Variants in LZTR1 observed in about 807,000 individuals in gnomAD.
The protein encoded by LZTR1 is leucine-zipper-like transcriptional regulator 1.
In LZTR1, 260 loss-of-function variants were observed where a neutral mutation model predicts 105.7. The ratio of observed to expected loss-of-function variants is 2.46; its 90% CI spans 2.22 to 2.72. LZTR1 has a LOEUF of 2.72. LZTR1 is among the 30% of genes most tolerant of loss of function. The pLI, the probability that LZTR1 is intolerant of heterozygous loss-of-function variation, is 0.00. For synonymous variants in LZTR1, 490 were observed against 476.4 expected, an observed-to-expected ratio of 1.03 and a Z score of -0.37; for missense variants, 1,214 against 1,166.9, an observed-to-expected ratio of 1.04 and a Z score of -0.59.
intron 10 of LZTR1, 21 bp from the exon 11 acceptor site, chr22:20,992,773 C>G (rs1924651055): frequency 6.7e-7 from 1 of 1,490,454 alleles, no homozygotes. Flanking sequence ...CACCATTCCA[C>G]CCTGCCTTCT....
intron 3 of LZTR1, chr22:20,986,644 AGAT>A (rs978492015): frequency 1.1e-4 from 17 of 152,326 alleles, no homozygotes; most frequent in African/African-American, 3.4e-4. Context: ...GATGACAGAT[AGAT>A]GATGGATAGA....
At chr22:20,989,127 C>T (rs980523352) in intron 6 of LZTR1, among the ~76,000 whole-genome samples, 2 of 152,068 alleles carry the variant, frequency 1.3e-5, no homozygotes, top group African/African-American at 2.4e-5. Context: ...AGTTGCCCTG[C>T]GGAGCTGAGT....
Position 20,988,831 on chromosome 22 carries a change from T to C in LZTR1, c.552T>C (p.Ser184=). The C allele has an allele frequency of 1.2e-6, 2 of 1,614,106 alleles. No homozygotes were observed. The highest frequency in any genetic ancestry group is 2.2e-5 in the East Asian group (1 of 44,880). The change falls in exon 6 of 21, where the codon AGT becomes AGC. Residue 184 remains serine, a synonymous_variant. Coordinates refer to ENST00000646124, the MANE Select transcript of LZTR1 (RefSeq NM_006767.4). ...CAGCCCATGGGGCCACGGTGTACAG[T>C]GACAAGCTGTGGATCTTTGCTGGCT... is the stretch of plus-strand genomic sequence containing the variant. The part of the protein sequence containing the change: ...ARSAHGATVY[S]DKLWIFAGYD...
At chr22:20,993,823 A>T (rs1924696309) in intron 12 of LZTR1, 69 bp downstream of exon 12, 1 of 1,573,176 alleles carries the variant, frequency 6.4e-7, no homozygotes, top group Non-Finnish European at 8.7e-7. Context: ...CCCCTCAGAA[A>T]AACAGCTGCT....
At position 20,988,868 on chromosome 22, in the gene LZTR1, G is replaced by A. The variant is rs371522487; in HGVS notation, c.589G>A (p.Ala197Thr). 1.2e-5 allele frequency: 19 copies of A among 1,613,704 alleles called. No individual in the cohort carries two copies. The highest frequency in any genetic ancestry group is 1.4e-5 in the Non-Finnish European group (17 of 1,179,908). The stretch of plus-strand genomic sequence containing the variant: ...GATCTTTGCTGGCTATGACGGCAAC[G>A]CCAGGTGGGTGGTGGTCCGGCCTGT... Reference protein sequence around the residue: ...LWIFAGYDGNARLNDMWTIGL... With the variant: ...LWIFAGYDGNTRLNDMWTIGL... The change falls in exon 6 of 21, where the codon GCC becomes ACC. Residue 197 changes from alanine (A) to threonine (T), a missense_variant. Coordinates refer to ENST00000646124, the MANE Select transcript of LZTR1 (RefSeq NM_006767.4).
At chr22:20,993,230 G>A (rs1392463890) in intron 11 of LZTR1, 6 of 417,258 alleles carry the variant, frequency 1.4e-5, no homozygotes, top group East Asian at 1.3e-4. Context: ...AGTGGCTTGC[G>A]TTGACAGCCC....
At position 20,987,388 on chromosome 22, in the gene LZTR1, C is replaced by CA. The variant is rs58365624; in HGVS notation, c.321-101dup. The CA allele has an allele frequency of 0.42, 218,525 of 523,198 alleles. 18,340 individuals are homozygous for CA. The highest frequency in any genetic ancestry group is 0.49 in the African/African-American group (22,203 of 45,590). The allele number at this position is 523,198 out of a possible 1,614,324, so 32.4% of individuals were successfully genotyped here. A position where few individuals can be genotyped will look rare whatever the true frequency, so the allele number is the denominator to read the frequency against. On this transcript the variant is annotated intron_variant, in intron 3 of 20. Coordinates refer to ENST00000646124, the MANE Select transcript of LZTR1 (RefSeq NM_006767.4). Reference sequence around the variant, plus strand: ...GGGACGACAGAGAGAGACTCCGTCTCAAAAAAAAAAAAAAAGAAAAAAGAA... The same window carrying CA: ...GGGACGACAGAGAGAGACTCCGTCTCAAAAAAAAAAAAAAAAGAAAAAAGAA...
At position 20,997,473 on chromosome 22, in the gene LZTR1, C is replaced by A; in HGVS notation, c.*125C>A. On this transcript the variant is annotated 3_prime_UTR_variant, in exon 21 of 21. Coordinates refer to ENST00000646124, the MANE Select transcript of LZTR1 (RefSeq NM_006767.4). ...ACCTGCCAGGCCAAGGGTCAGGGTG[C>A]CCAGAGCCTCCAAAGAGAGCTGAGG... 1 of 732,556 alleles carries A rather than the reference C, an allele frequency of 1.4e-6. No individual in the cohort carries two copies. The highest frequency in any genetic ancestry group is 2.3e-6 in the Non-Finnish European group (1 of 426,874). The allele number at this position is 732,556 out of a possible 1,614,324, so 45.4% of individuals were successfully genotyped here.
At chr22:20,993,248 G>C in intron 11 of LZTR1, 1 of 417,244 alleles carries the variant, frequency 2.4e-6, no homozygotes, top group South Asian at 3.0e-5. Context: ...CCCCTTCCCA[G>C]GCCTGGAGGA....
rs188924002 is a variant in LZTR1, at chr22:20,985,910, G to T, written c.320+13G>T. ...GCTCCTGGTGCAGGTGGGTGGCCCC[G>T]TGCTCCAGGGCCCTGCCTTTCCTCC... On this transcript the variant is annotated intron_variant, in intron 3 of 20. Coordinates refer to ENST00000646124, the MANE Select transcript of LZTR1 (RefSeq NM_006767.4). 2.1e-5 allele frequency: 34 copies of T among 1,613,622 alleles called. No individual in the cohort carries two copies. Among genetic ancestry groups the T allele is most frequent in the Non-Finnish European group, 2.6e-5 (31 of 1,179,698 alleles).
intron 2 of LZTR1, among the ~76,000 whole-genome samples, chr22:20,984,966 G>A (rs560929277): frequency 2.0e-5 from 3 of 151,964 alleles, no homozygotes; most frequent in Non-Finnish European, 4.4e-5. Flanking sequence ...GCTCACACCT[G>A]TAATCCCAGC....
chr22:20,993,946 A>C lies in LZTR1; in HGVS notation c.1376A>C (p.His459Pro). The change falls in exon 13 of 21, where the codon CAC becomes CCC. Residue 459 changes from histidine (H) to proline (P), a missense_variant. Physicochemically the swap from His to Pro is moderately conservative, Grantham distance 77 (BLOSUM62 -2). Coordinates refer to ENST00000646124, the MANE Select transcript of LZTR1 (RefSeq NM_006767.4). ...CAGAAGGAGGAGTGCGTGCAGGGCC[A>C]CGTAGCCATTGTCACAGCGCGGAGC... Reference protein sequence around the residue: ...LGEKEECVQGHVAIVTARSRW... With the variant: ...LGEKEECVQGPVAIVTARSRW... 1.2e-6 allele frequency: 2 copies of C among 1,612,596 alleles called. No homozygotes were observed. The highest frequency in any genetic ancestry group is 1.7e-6 in the Non-Finnish European group (2 of 1,179,910).
At chr22:20,991,591 CCT>C (rs1179022635) in intron 8 of LZTR1, 35 bp from the exon 9 acceptor site, 2 of 1,486,532 alleles carry the variant, frequency 1.3e-6, no homozygotes, top group African/African-American at 2.7e-5. Flanking sequence ...AGCAGGAGCC[CCT>C]GTCCCAGCAT....
intron 4 of LZTR1, 42 bp downstream of exon 4, chr22:20,987,625 G>A (rs1445449378): frequency 1.3e-6 from 2 of 1,554,656 alleles, no homozygotes; most frequent in Admixed American, 1.7e-5. Flanking sequence ...TCGCCCCGAG[G>A]CCCACAGACA....
Position 20,988,794 on chromosome 22 carries a change from C to T in LZTR1, c.515C>T (p.Pro172Leu), listed in dbSNP as rs1924494428. 2 of 1,613,710 alleles carry T rather than the reference C, an allele frequency of 1.2e-6. No individual in the cohort carries two copies. The highest frequency in any genetic ancestry group is 2.2e-5 in the East Asian group (1 of 44,888). ...CCTCTTCCCTCACACTCCAGGTTGC[C>T]AGTCGCTAGGTCAGCCCATGGGGCC... is the stretch of plus-strand genomic sequence containing the variant. ...WTEWKIEGRLPVARSAHGATV... is the reference protein window; with the variant it reads ...WTEWKIEGRLLVARSAHGATV... The change falls in exon 6 of 21, where the codon CCA (proline) becomes CTA (leucine). Residue 172 changes from proline to leucine, a missense_variant. Coordinates refer to ENST00000646124, the MANE Select transcript of LZTR1 (RefSeq NM_006767.4).
Position 20,997,564 on chromosome 22 carries a change from G to A in LZTR1, c.*216G>A, listed in dbSNP as rs772409489. ...GGTCCCACAGGGAGCGGATGATGAA[G>A]CAGACCCCCTCCTGTCATCACCCTC... On this transcript the variant is annotated 3_prime_UTR_variant, in exon 21 of 21. Transcript: ENST00000646124. 1 of 522,024 alleles carries A rather than the reference G, an allele frequency of 1.9e-6. No homozygotes were observed. Among genetic ancestry groups the A allele is most frequent in the Admixed American group, 3.2e-5 (1 of 31,372 alleles). 32.3% of individuals were successfully genotyped at this position (522,024 alleles called of 1,614,324 possible).
chr22:20,984,597 C>T (rs982493045), intron 2 of LZTR1, among the ~76,000 whole-genome samples: 7 of 40,116 alleles, frequency 1.7e-4, no homozygotes, highest in Non-Finnish European at 3.6e-4. Context: ...TCCTGCGGCA[C>T]GTGGGGCAAG....
At chr22:20,997,119 A>C in intron 20 of LZTR1, 113 bp from the exon 21 acceptor site, 1 of 1,122,098 alleles carries the variant, frequency 8.9e-7, no homozygotes, top group Non-Finnish European at 1.3e-6. Flanking sequence ...ACCTTGCTTC[A>C]TCCTTGGGAC....
At chr22:20,984,610 A>AGGGG (rs201440164) in intron 2 of LZTR1, among the ~76,000 whole-genome samples, 5 of 19,728 alleles carry the variant, frequency 2.5e-4, no homozygotes, top group Admixed American at 1.9e-3. Context: ...GGGGCAAGTA[A>AGGGG]GGAGGGGGGG....
Sources: allele counts gnomAD v4.1 joint callset (sites outside exome capture counted in the v4.1 genomes callset), GRCh38; gene constraint gnomAD v4.1.1; transcripts MANE v1.5; gene names NCBI Gene and HGNC (gene_info 2026-07-23, HGNC 2026-07-21).